Variants in USP42 observed in about 807,000 individuals in gnomAD.
USP42 encodes the protein ubiquitin carboxyl-terminal hydrolase 42.
In USP42, 23 loss-of-function variants were observed where a neutral mutation model predicts 113.0. That is an observed-to-expected ratio of 0.20 (90% CI 0.15 to 0.29). The LOEUF is 0.29. USP42 is among the 10% of genes least tolerant of loss of function. USP42 has a pLI of 1.00. For missense variants in USP42, 2,174 were observed against 1,779.8 expected (o/e 1.22, Z -3.99); for synonymous variants, 933 against 699.0 (o/e 1.33, Z -5.28).
intron 14 of USP42, among the ~76,000 whole-genome samples, chr7:6,153,237 C>T (rs776633485): frequency 5.3e-5 from 8 of 151,440 alleles, no homozygotes; most frequent in African/African-American, 1.2e-4. Flanking sequence ...CACACCACTG[C>T]GCTCCAGCCT....
chr7:6,129,424 G>T (rs1780722018), intron 3 of USP42, among the ~76,000 whole-genome samples: 1 of 151,490 alleles, frequency 6.6e-6, no homozygotes, highest in Non-Finnish European at 1.5e-5. Context: ...AGGCATGGTG[G>T]CGGGCGCCTG....
intron 3 of USP42, among the ~76,000 whole-genome samples, chr7:6,120,060 G>A (rs1780133149): frequency 6.6e-6 from 1 of 152,214 alleles, no homozygotes; most frequent in Non-Finnish European, 1.5e-5. Flanking sequence ...ACGCCCCCGG[G>A]TTCACGCCAT....
chr7:6,117,041 T>C, intron 3 of USP42: 1 of 344,298 alleles, frequency 2.9e-6, no homozygotes, highest in Non-Finnish European at 5.6e-6. Context: ...TACTGAAGTA[T>C]AATTGATATA....
At chr7:6,116,786 C>G (rs769443634) in intron 3 of USP42, 13 of 533,112 alleles carry the variant, frequency 2.4e-5, no homozygotes, top group Non-Finnish European at 2.3e-5. Context: ...CATTTTCTCC[C>G]TTTCTCAGTC....
chr7:6,128,659 T>G (rs1052359861), intron 3 of USP42, among the ~76,000 whole-genome samples: 4 of 152,096 alleles, frequency 2.6e-5, no homozygotes, highest in Non-Finnish European at 5.9e-5. Flanking sequence ...TTAAGGTGAT[T>G]ATTGATATTT....
intron 10 of USP42, 57 bp from the exon 11 acceptor site, chr7:6,146,091 C>T: frequency 8.0e-7 from 1 of 1,254,338 alleles, no homozygotes; most frequent in Admixed American, 2.4e-5. Context: ...TTTCTCTTGA[C>T]TATGTTCCAT....
Position 6,105,002 on chromosome 7 carries a change from G to T in USP42, c.-40G>T, listed in dbSNP as rs1779178065. The T allele has an allele frequency of 6.5e-6, 1 of 154,420 alleles. No individual in the cohort carries two copies. The highest frequency in any genetic ancestry group is 1.8e-4 in the South Asian group (1 of 5,686). 9.6% of individuals were successfully genotyped at this position (154,420 alleles called of 1,614,324 possible). A position where few individuals can be genotyped will look rare whatever the true frequency, so the allele number is the denominator to read the frequency against. On this transcript the variant is annotated 5_prime_UTR_variant, in exon 1 of 18. The change creates a new upstream start codon in the 5' untranslated region. Coordinates refer to ENST00000306177, the MANE Select transcript of USP42 (RefSeq NM_032172.3). ...GTGCGGCGGCGGCGGCGGCGGCCGA[G>T]GGGGATGGAGCGAGCGCCGAGCCGG...
the USP42 span, among the ~76,000 whole-genome samples, chr7:6,090,969 T>TTGTAA: frequency 7.3e-4 from 110 of 150,816 alleles, 1 homozygote; most frequent in Admixed American, 3.2e-3. Flanking sequence ...AGGGATCAAT[T>TTGTAA]TCATCACAGT....
chr7:6,157,005 T>TA lies in USP42; in HGVS notation c.3894dup (p.Arg1299ThrfsTer7), dbSNP rs1782493435. 5.6e-6 allele frequency: 9 copies of TA among 1,611,662 alleles called. No homozygotes were observed. The highest frequency in any genetic ancestry group is 7.6e-6 in the Non-Finnish European group (9 of 1,179,454). ...CCTTTCCGTGAGAAAACGAAACACT[T>TA]ACGGATGGAAAGCAGGGATGACAGG... On this transcript the variant is annotated frameshift_variant, in exon 16 of 18. Transcript: ENST00000306177. LOFTEE classifies it high-confidence loss of function. The surrounding 1 kb of genome is among the most constrained non-coding windows in gnomAD (Gnocchi z 4.1).
the USP42 span, among the ~76,000 whole-genome samples, chr7:6,087,343 T>C: frequency 2.2e-5 from 3 of 134,258 alleles, no homozygotes; most frequent in East Asian, 2.0e-4. Flanking sequence ...AGCGCTTCTT[T>C]TTTTTTTTTT....
rs374544689 is a variant in USP42 at position 6,106,805 on chromosome 7, A to G, written c.-10+1773A>G. Among the ~76,000 whole-genome samples, 159 of 151,792 alleles carry G rather than the reference A, an allele frequency of 1.0e-3. 4 individuals are homozygous for G. In the South Asian group the frequency reaches 0.02, roughly 19 times the overall value. ...GGTCTGCAACTCCTGGGCTCAAGCC[A>G]TCCTGCTGCCTTGGCCTCCCAAAGT... On this transcript the variant is annotated intron_variant, in intron 1 of 17. Transcript: ENST00000306177.
chr7:6,149,229 C>G lies in USP42; in HGVS notation c.1387-354C>G, dbSNP rs576931069. 2.0e-5 allele frequency among the ~76,000 whole-genome samples: 3 copies of G among 152,282 alleles called. No homozygotes were observed. In the East Asian group the frequency reaches 5.8e-4, roughly 29 times the overall value. On this transcript the variant is annotated intron_variant, in intron 12 of 17. Coordinates refer to ENST00000306177, the MANE Select transcript of USP42 (RefSeq NM_032172.3). ...CGAGGGTGATTCCTCCTTCCTGGCACTCTGCATCAGCGAGCTCCCAGGAAA... is the reference window on the plus strand; with the variant it reads ...CGAGGGTGATTCCTCCTTCCTGGCAGTCTGCATCAGCGAGCTCCCAGGAAA...
At chr7:6,142,008 T>C (rs1781457695) in intron 7 of USP42, among the ~76,000 whole-genome samples, 1 of 152,170 alleles carries the variant, frequency 6.6e-6, no homozygotes, top group Non-Finnish European at 1.5e-5. Context: ...CAGTGTGTGG[T>C]GCAGTGAATG....
chr7:6,149,816 C>G lies in USP42; in HGVS notation c.1620C>G (p.Asn540Lys). The change falls in exon 13 of 18, where the codon AAC (asparagine) becomes AAG (lysine). Residue 540 changes from asparagine to lysine, a missense_variant. Coordinates refer to ENST00000306177, the MANE Select transcript of USP42 (RefSeq NM_032172.3). Reference protein sequence around the residue: ...LPVRQCQSQPNLHSNSLENPT... With the variant: ...LPVRQCQSQPKLHSNSLENPT... ...TTCGCCAGTGTCAGTCTCAACCTAA[C>G]CTTCATAGTAATTCTTTGGAGAACC... 6.2e-7 allele frequency: 1 copy of G among 1,614,024 alleles called. No homozygotes were observed. The highest frequency in any genetic ancestry group is 8.5e-7 in the Non-Finnish European group (1 of 1,179,906).
chr7:6,114,401 A>G (rs1242666944), intron 2 of USP42, among the ~76,000 whole-genome samples: 1 of 152,066 alleles, frequency 6.6e-6, no homozygotes, highest in Non-Finnish European at 1.5e-5. Flanking sequence ...GTAGCCGTCA[A>G]CCAACTTTGA....
intron 1 of USP42, among the ~76,000 whole-genome samples, chr7:6,109,541 G>A (rs1779474891): frequency 6.6e-6 from 1 of 152,000 alleles, no homozygotes; most frequent in African/African-American, 2.4e-5. Context: ...ATACAGGCGT[G>A]CGCCACCATG....
chr7:6,161,411 G>GTATC lies in USP42; in HGVS notation c.*895_*898dup, dbSNP rs1386682831. 10 of 152,666 alleles carry GTATC rather than the reference G, an allele frequency of 6.6e-5. No homozygotes were observed. The highest frequency in any genetic ancestry group is 2.4e-4 in the African/African-American group (10 of 41,520). 9.5% of individuals were successfully genotyped at this position (152,666 alleles called of 1,614,324 possible). A position where few individuals can be genotyped will look rare whatever the true frequency, so the allele number is the denominator to read the frequency against. ...GGGAAAACTGTATTTAATACAGTTT[G>GTATC]TATCTGAATAATCTGTATGGTTTAT... On this transcript the variant is annotated 3_prime_UTR_variant, in exon 18 of 18. Transcript: ENST00000306177.
chr7:6,141,097 A>G (rs1031604472), intron 7 of USP42, 113 bp downstream of exon 7: 6 of 512,038 alleles, frequency 1.2e-5, no homozygotes, highest in East Asian at 3.6e-5. Flanking sequence ...GAAAAATTCA[A>G]TATGCTAAGA....
chr7:6,118,270 C>T (rs115654758), intron 3 of USP42, among the ~76,000 whole-genome samples: 96 of 152,088 alleles, frequency 6.3e-4, no homozygotes, highest in African/African-American at 2.2e-3. Flanking sequence ...TGTGGTGGTT[C>T]ATGTGTTTTG....
Sources: allele counts gnomAD v4.1 joint callset (sites outside exome capture counted in the v4.1 genomes callset), GRCh38; gene constraint gnomAD v4.1.1; non-coding constraint Gnocchi (gnomAD v3.1); transcripts MANE v1.5; gene names NCBI Gene and HGNC (gene_info 2026-07-23, HGNC 2026-07-21).